MRTFB: variants seen among roughly 807,000 people sequenced by gnomAD.
MRTFB encodes the protein myocardin related transcription factor B, also known as myocardin-related transcription factor B.
MRTFB carries 29 observed loss-of-function variants against 104.2 expected under a neutral mutation model. That is an observed-to-expected ratio of 0.28 (90% CI 0.21 to 0.38). The LOEUF is 0.38. Among genes scored for constraint, MRTFB ranks in the 10% least tolerant of loss-of-function variants. The pLI is 1.00. For synonymous variants in MRTFB, 535 were observed against 519.5 expected, an observed-to-expected ratio of 1.03 and a Z score of -0.41; for missense variants, 1,270 against 1,341.6, an observed-to-expected ratio of 0.95 and a Z score of 0.83.
intron 2 of MRTFB, among the ~76,000 whole-genome samples, chr16:14,104,798 A>G (rs2035886512): frequency 6.6e-6 from 1 of 152,236 alleles, no homozygotes; most frequent in South Asian, 2.1e-4. Context: ...TTCACGGAAT[A>G]GCTATTCCAT....
intron 14 of MRTFB, 152 bp from the exon 15 acceptor site, chr16:14,252,213 C>T: frequency 7.8e-7 from 1 of 1,289,658 alleles, no homozygotes; most frequent in South Asian, 1.5e-5. Flanking sequence ...AAGGTGGCCA[C>T]CAGTGCTGTC....
At chr16:14,189,558 A>G (rs2040085566) in intron 3 of MRTFB, among the ~76,000 whole-genome samples, 1 of 152,206 alleles carries the variant, frequency 6.6e-6, no homozygotes, top group East Asian at 1.9e-4. Flanking sequence ...AATAGTTTAT[A>G]CTTCATGTTT....
At chr16:14,196,971 T>C (rs57261181) in intron 3 of MRTFB, among the ~76,000 whole-genome samples, 6,741 of 134,962 alleles carry the variant, frequency 0.05, 401 homozygotes, top group African/African-American at 0.18. Flanking sequence ...TTTCTTTTTT[T>C]TTTTTTTTTT....
intron 2 of MRTFB, among the ~76,000 whole-genome samples, chr16:14,134,332 A>G (rs1367667949): frequency 6.6e-6 from 1 of 152,240 alleles, no homozygotes; most frequent in African/African-American, 2.4e-5. Flanking sequence ...TAAAAACTCT[A>G]CTTAGAAGTT....
At chr16:14,225,989 T>C (rs2041987020) in intron 8 of MRTFB, among the ~76,000 whole-genome samples, 1 of 152,190 alleles carries the variant, frequency 6.6e-6, no homozygotes, top group Admixed American at 6.5e-5. Context: ...ATCATGGTAG[T>C]TTTGTTTCAA....
intron 12 of MRTFB, chr16:14,247,770 T>G: frequency 2.2e-6 from 1 of 461,562 alleles, no homozygotes; most frequent in Non-Finnish European, 3.9e-6. Flanking sequence ...AGACATTTTT[T>G]TACACACCAG....
chr16:14,105,451 G>A (rs950098309), intron 2 of MRTFB, among the ~76,000 whole-genome samples: 1 of 151,394 alleles, frequency 6.6e-6, no homozygotes, highest in African/African-American at 2.4e-5. Context: ...AGGCATCAGT[G>A]CGGTGGCATA....
rs2041290454 is a variant in MRTFB at position 14,213,617 on chromosome 16, G to C, written c.349G>C (p.Glu117Gln). The change falls in exon 6 of 17, where the codon GAA becomes CAA. Residue 117 changes from glutamate (E) to glutamine (Q), a missense_variant. Coordinates refer to ENST00000571589, the MANE Select transcript of MRTFB (RefSeq NM_001308142.2). The part of the protein sequence containing the change: ...RSELVRMHIL[E>Q]ETFAEPSLQA... ...TGAACTTGTCAGGATGCACATTTTA[G>C]AAGGTAAAGGATTTATTTCTTCTTA... The C allele has an allele frequency of 6.3e-7, 1 of 1,583,448 alleles. No individual in the cohort carries two copies. The highest frequency in any genetic ancestry group is 1.4e-5 in the African/African-American group (1 of 73,772).
At chr16:14,085,793 G>A (rs28562673) in intron 2 of MRTFB, among the ~76,000 whole-genome samples, 4,056 of 152,214 alleles carry the variant, frequency 0.027, 195 homozygotes, top group African/African-American at 0.093. Context: ...ATTTTTATAC[G>A]TACCTAAATC....
At chr16:14,141,741 A>G (rs1726856421) in intron 3 of MRTFB, 1 of 152,072 alleles carries the variant, frequency 6.6e-6, no homozygotes, top group Non-Finnish European at 1.5e-5. Context: ...GGCCTTTAGT[A>G]CATGTCTTTG....
intron 1 of MRTFB, among the ~76,000 whole-genome samples, chr16:14,071,731 A>G (rs373514827): frequency 6.6e-6 from 1 of 152,106 alleles, no homozygotes; most frequent in African/African-American, 2.4e-5. Context: ...GGGGCTGCAC[A>G]GAGAGGTGGA....
chr16:14,003,846 C>T, the MRTFB span, among the ~76,000 whole-genome samples: 1 of 152,132 alleles, frequency 6.6e-6, no homozygotes, highest in Non-Finnish European at 1.5e-5. Context: ...GAGGACTGTT[C>T]CCTAAGTACC....
At chr16:14,186,820 C>G (rs1845475809) in intron 3 of MRTFB, 1 of 1,577,288 alleles carries the variant, frequency 6.3e-7, no homozygotes, top group Non-Finnish European at 8.5e-7. Context: ...AACCAGGGAC[C>G]CAGGGACCAG....
the MRTFB span, among the ~76,000 whole-genome samples, chr16:14,052,101 G>T: frequency 1.3e-5 from 2 of 152,024 alleles, no homozygotes; most frequent in Non-Finnish European, 2.9e-5. Flanking sequence ...ATGCAAAGTG[G>T]TCATACTTTG....
the MRTFB span, among the ~76,000 whole-genome samples, chr16:14,017,348 G>A: frequency 0.011 from 1,687 of 151,658 alleles, 13 homozygotes; most frequent in Middle Eastern, 0.044. Flanking sequence ...GAGCCACCGC[G>A]CCCGGCCTGC....
At chr16:14,206,292 G>C (rs1388418493) in intron 3 of MRTFB, among the ~76,000 whole-genome samples, 1 of 152,144 alleles carries the variant, frequency 6.6e-6, no homozygotes, top group Non-Finnish European at 1.5e-5. Flanking sequence ...TGACTTCTGT[G>C]TCTCATGACA....
chr16:14,079,748 T>C (rs977552508), intron 2 of MRTFB, among the ~76,000 whole-genome samples: 6 of 150,664 alleles, frequency 4.0e-5, no homozygotes, highest in Non-Finnish European at 8.8e-5. Context: ...CTTAAAATTT[T>C]GGGTTTTTTT....
At chr16:14,036,040 C>T in the MRTFB span, among the ~76,000 whole-genome samples, 1 of 146,526 alleles carries the variant, frequency 6.8e-6, no homozygotes. Flanking sequence ...ATGCAGGTTG[C>T]TGCAAATGCC....
the MRTFB span, chr16:14,009,433 T>C: frequency 6.6e-6 from 1 of 152,230 alleles, no homozygotes; most frequent in Non-Finnish European, 1.5e-5. Flanking sequence ...TAATCTTCTA[T>C]GTACAAGGTT....
Sources: gnomAD v4.1 joint callset for allele counts (sites outside exome capture counted in the v4.1 genomes callset) on GRCh38, gnomAD v4.1.1 for gene constraint, MANE v1.5 for transcripts, NCBI Gene and HGNC (gene_info 2026-07-23, HGNC 2026-07-21) for gene names.